The following ADGRF5 variants were observed in gnomAD, a reference collection of about 807,000 sequenced individuals.
ADGRF5 encodes adhesion G protein-coupled receptor F5.
Under a neutral mutation model 132.3 loss-of-function variants are expected in ADGRF5, and 75 were observed. That is an observed-to-expected ratio of 0.57 (90% CI 0.47 to 0.69). The LOEUF (loss-of-function observed/expected upper bound fraction) is 0.69. Ranked by LOEUF, ADGRF5 falls within the 30% of genes least tolerant of loss-of-function variation. The pLI is 0.00. For synonymous variants in ADGRF5, 629 were observed against 597.6 expected, an observed-to-expected ratio of 1.05 and a Z score of -0.77; for missense variants, 1,516 against 1,630.6, an observed-to-expected ratio of 0.93 and a Z score of 1.21.
rs1224131084 is a variant in ADGRF5 at position 46,879,998 on chromosome 6, C to A, written c.856G>T (p.Gly286Trp). ...FFVTPEIIFEGDTVSLVCEKE... is the reference protein window; with the variant it reads ...FFVTPEIIFEWDTVSLVCEKE... Reference sequence around the variant, plus strand: ...TCACACACCAGACTGACTGTGTCCCCTTCAAAGATGATTTCTGGTGTGACA... The same window carrying A: ...TCACACACCAGACTGACTGTGTCCCATTCAAAGATGATTTCTGGTGTGACA... The change falls in exon 9 of 21, where the codon GGG becomes TGG. Residue 286 changes from glycine to tryptophan, a missense_variant. By Grantham distance (184) the Gly-to-Trp change is radical. Transcript: ENST00000283296. The A allele has an allele frequency of 2.5e-6, 4 of 1,613,978 alleles. No homozygotes were observed. Among genetic ancestry groups the A allele is most frequent in the South Asian group, 2.2e-5 (2 of 91,086 alleles).
intron 13 of ADGRF5, among the ~76,000 whole-genome samples, chr6:46,865,480 TC>T (rs1770310423): frequency 6.6e-6 from 1 of 152,244 alleles, no homozygotes; most frequent in Admixed American, 6.5e-5. Context: ...TATCTAAATT[TC>T]ATCATGCTCT....
At chr6:46,892,504 C>T (rs149273405) in intron 3 of ADGRF5, among the ~76,000 whole-genome samples, 5,541 of 152,282 alleles carry the variant, frequency 0.036, 113 homozygotes, top group Middle Eastern at 0.058. Flanking sequence ...GTAATCCCAG[C>T]ACTTTGGGAG....
intron 10 of ADGRF5, among the ~76,000 whole-genome samples, 174 bp downstream of exon 10, chr6:46,878,028 C>T (rs559595984): frequency 6.6e-6 from 1 of 152,252 alleles, no homozygotes; most frequent in South Asian, 2.1e-4. Context: ...TTTTTGGGGT[C>T]TTGTTCTAGA....
At chr6:46,877,225 C>CTCTTTCTTTCCTTCTTTCTT in intron 10 of ADGRF5, among the ~76,000 whole-genome samples, 1 of 131,770 alleles carries the variant, frequency 7.6e-6, no homozygotes, top group East Asian at 2.4e-4. Flanking sequence ...TTTATTTCCT[C>CTCTTTCTTTCCTTCTTTCTT]TCTTTCTTTC....
intron 16 of ADGRF5, among the ~76,000 whole-genome samples, chr6:46,860,217 C>T (rs1163319848): frequency 1.3e-5 from 2 of 152,184 alleles, no homozygotes; most frequent in African/African-American, 2.4e-5. Context: ...TTGCTGGTCT[C>T]TGAGTGCCTC....
At chr6:46,874,927 G>C (rs1771478302) in intron 10 of ADGRF5, among the ~76,000 whole-genome samples, 1 of 152,130 alleles carries the variant, frequency 6.6e-6, no homozygotes, top group African/African-American at 2.4e-5. Context: ...GTACAGGCTG[G>C]GGATGCTGCT....
In ADGRF5 at chr6:46,859,148, C is replaced by T. The variant is rs1348157306; in HGVS notation, c.2755G>A (p.Ala919Thr). 2 of 1,614,082 alleles carry T rather than the reference C, an allele frequency of 1.2e-6. No individual in the cohort carries two copies. The highest frequency in any genetic ancestry group is 1.7e-6 in the Non-Finnish European group (2 of 1,179,962). ...LAQDIQENNF[A>T]ESLVMTTTVS... ...GTGGTTGTCATCACTAAGCTCTCTGCAAAGTTATTTTCCTGGATATCCTGG... is the reference window on the plus strand; with the variant it reads ...GTGGTTGTCATCACTAAGCTCTCTGTAAAGTTATTTTCCTGGATATCCTGG... Residue 919 changes from alanine (A) to threonine (T), a missense_variant, in exon 17 of 21, where the codon GCA (alanine) becomes ACA (threonine). By Grantham distance (58) the Ala-to-Thr change is moderately conservative. This residue lies in a region of ADGRF5 where 571 missense variants were observed against 701.2 expected (regional missense o/e 0.81). Coordinates refer to ENST00000283296, the MANE Select transcript of ADGRF5 (RefSeq NM_001098518.2).
chr6:46,864,749 C>T (rs1255983346), intron 14 of ADGRF5, among the ~76,000 whole-genome samples: 1 of 152,128 alleles, frequency 6.6e-6, no homozygotes, highest in African/African-American at 2.4e-5. Flanking sequence ...TGGTCTTGAT[C>T]TCCTGACCTC....
chr6:46,910,488 G>T (rs1462843530), intron 1 of ADGRF5, among the ~76,000 whole-genome samples: 1 of 152,026 alleles, frequency 6.6e-6, no homozygotes. Context: ...TCTCTGCAAG[G>T]GTTACGCCCT....
At chr6:46,919,292 A>C (rs1232827263) in intron 1 of ADGRF5, among the ~76,000 whole-genome samples, 1 of 152,210 alleles carries the variant, frequency 6.6e-6, no homozygotes, top group Non-Finnish European at 1.5e-5. Flanking sequence ...TCAGTCCTCC[A>C]AAAAAATTCA....
chr6:46,869,774 C>T (rs1489366995), intron 11 of ADGRF5, among the ~76,000 whole-genome samples: 3 of 152,144 alleles, frequency 2.0e-5, no homozygotes, highest in African/African-American at 4.8e-5. Context: ...TTTGCACTAA[C>T]CTAATAATTA....
chr6:46,897,173 C>CACACAG, intron 3 of ADGRF5, among the ~76,000 whole-genome samples: 1 of 151,520 alleles, frequency 6.6e-6, no homozygotes, highest in African/African-American at 2.4e-5. Flanking sequence ...CACACACACA[C>CACACAG]ACACATATAA....
chr6:46,952,353 G>A (rs946555655), intron 1 of ADGRF5, among the ~76,000 whole-genome samples: 6 of 152,180 alleles, frequency 3.9e-5, no homozygotes, highest in Admixed American at 3.9e-4. Context: ...CATGGAGGCA[G>A]GACTCACATC....
At chr6:46,899,271 G>A (rs151321129) in intron 3 of ADGRF5, among the ~76,000 whole-genome samples, 214 of 152,142 alleles carry the variant, frequency 1.4e-3, no homozygotes, top group African/African-American at 5.0e-3. Flanking sequence ...AGGCACAGAA[G>A]GCCTGGTGAG....
At chr6:46,926,577 C>A (rs1157750266), upstream of ADGRF5, among the ~76,000 whole-genome samples, 3 of 152,148 alleles carry the variant, frequency 2.0e-5, no homozygotes, top group Non-Finnish European at 4.4e-5. Context: ...GGAGCGCTGA[C>A]CACCAATGGC....
At chr6:46,953,138 C>G (rs1778563479) in intron 1 of ADGRF5, among the ~76,000 whole-genome samples, 1 of 152,176 alleles carries the variant, frequency 6.6e-6, no homozygotes, top group Non-Finnish European at 1.5e-5. Context: ...TTTCTACCTT[C>G]TTTAAGTGAA....
intron 15 of ADGRF5, among the ~76,000 whole-genome samples, chr6:46,861,456 T>C (rs514313): frequency 0.9 from 137,017 of 152,244 alleles, 62,521 homozygotes; most frequent in East Asian, 1. Context: ...TACTTAATCG[T>C]ATAGAATAGC....
intron 1 of ADGRF5, among the ~76,000 whole-genome samples, chr6:46,934,286 C>G (rs1777713600): frequency 6.6e-6 from 1 of 152,172 alleles, no homozygotes; most frequent in Non-Finnish European, 1.5e-5. Context: ...GCAGCCAGCA[C>G]ACATAATTCT....
At chr6:46,954,568 C>CCT (rs1778651270) in intron 1 of ADGRF5, among the ~76,000 whole-genome samples, 1 of 152,142 alleles carries the variant, frequency 6.6e-6, no homozygotes, top group Admixed American at 6.5e-5. Flanking sequence ...TGTCATATCC[C>CCT]ATCTCACTAT....
Sources: gnomAD v4.1 joint callset for allele counts (sites outside exome capture counted in the v4.1 genomes callset) on GRCh38, gnomAD v4.1.1 for gene constraint, gnomAD v4.1.1 regional missense constraint, MANE v1.5 for transcripts, NCBI Gene and HGNC (gene_info 2026-07-23, HGNC 2026-07-21) for gene names.